CHD6: variants seen among roughly 807,000 people sequenced by gnomAD.
CHD6 encodes chromodomain helicase DNA binding protein 6.
Under a neutral mutation model 276.9 loss-of-function variants are expected in CHD6, and 50 were observed. The ratio of observed to expected loss-of-function variants is 0.18; its 90% CI spans 0.14 to 0.23. CHD6 has a LOEUF of 0.23. CHD6 is among the 10% of genes least tolerant of loss of function. The pLI is 1.00. For synonymous variants in CHD6, 1,173 were observed against 1,229.3 expected (o/e 0.95, Z 0.96); for missense variants, 2,564 against 3,365.8 (o/e 0.76, Z 5.89).
intron 12 of CHD6, among the ~76,000 whole-genome samples, chr20:41,488,923 C>T (rs2043483919): frequency 6.6e-6 from 1 of 152,222 alleles, no homozygotes; most frequent in African/African-American, 2.4e-5. Context: ...GTGTTGTTCA[C>T]AAGTCCCCAG....
rs1183412721 is a variant in CHD6 at position 41,405,256 on chromosome 20, C to T, written c.7485G>A (p.Leu2495=). 2.5e-6 allele frequency: 4 copies of T among 1,614,060 alleles called. No homozygotes were observed. The highest frequency in any genetic ancestry group is 3.4e-6 in the Non-Finnish European group (4 of 1,180,046). Reference sequence around the variant, plus strand: ...TGGCAAAGCCAGCTGGAAACCCCACCAGCCCGGTGAGGGGGATGCCTGGCA... The same window carrying T: ...TGGCAAAGCCAGCTGGAAACCCCACTAGCCCGGTGAGGGGGATGCCTGGCA... ...RNMPGIPLTG[L]VGFPAGFATM... is the part of the protein sequence containing the mutation. The change falls in exon 37 of 37, where the codon CTG becomes CTA. Residue 2495 remains leucine, a synonymous_variant. Coordinates refer to ENST00000373233, the MANE Select transcript of CHD6 (RefSeq NM_032221.5).
intron 1 of CHD6, among the ~76,000 whole-genome samples, chr20:41,615,519 G>T (rs1164295216): frequency 6.6e-6 from 1 of 152,048 alleles, no homozygotes; most frequent in East Asian, 1.9e-4. Flanking sequence ...CATGAGCAAT[G>T]AAGTATAAGA....
At chr20:41,406,831 C>A (rs2046691612) in intron 36 of CHD6, among the ~76,000 whole-genome samples, 1 of 152,212 alleles carries the variant, frequency 6.6e-6, no homozygotes, top group African/African-American at 2.4e-5. Flanking sequence ...AAAAGGTGAA[C>A]TGTACTTGTG....
In CHD6 at chr20:41,403,323, A is replaced by G; in HGVS notation, c.*1270T>C. On this transcript the variant is annotated 3_prime_UTR_variant, in exon 37 of 37. Transcript: ENST00000373233. ...CTCAGAGTGTGAACTACCTGTGAAGAGTGAGACCATCAGAAGGGACGTTAA... is the reference window on the plus strand; with the variant it reads ...CTCAGAGTGTGAACTACCTGTGAAGGGTGAGACCATCAGAAGGGACGTTAA... 9.4e-7 allele frequency: 1 copy of G among 1,063,526 alleles called. No homozygotes were observed. The highest frequency in any genetic ancestry group is 1.1e-6 in the Non-Finnish European group (1 of 877,864). The allele number at this position is 1,063,526 out of a possible 1,614,324, so 65.9% of individuals were successfully genotyped here.
intron 3 of CHD6, among the ~76,000 whole-genome samples, chr20:41,528,357 T>TG (rs2044595548): frequency 6.6e-6 from 1 of 152,228 alleles, no homozygotes; most frequent in African/African-American, 2.4e-5. Flanking sequence ...TTTGTATGTA[T>TG]ACACATAAAC....
chr20:41,426,075 A>G lies in CHD6; in HGVS notation c.4129+18T>C. The G allele has an allele frequency of 6.4e-7, 1 of 1,572,626 alleles. No homozygotes were observed. Among genetic ancestry groups the G allele is most frequent in the Non-Finnish European group, 8.8e-7 (1 of 1,142,120 alleles). ...TAAGACCTTACTTTCCTATGCCTTC[A>G]GAAGGACATAGTCTCACCTGCCCGG... On this transcript the variant is annotated intron_variant, in intron 28 of 36. Coordinates refer to ENST00000373233, the MANE Select transcript of CHD6 (RefSeq NM_032221.5).
intron 1 of CHD6, among the ~76,000 whole-genome samples, chr20:41,566,200 GAGGA>G (rs904378960): frequency 1.1e-4 from 16 of 152,166 alleles, no homozygotes; most frequent in African/African-American, 3.9e-4. Context: ...AGCCAGGTTG[GAGGA>G]CCTCTACTCT....
intron 17 of CHD6, among the ~76,000 whole-genome samples, chr20:41,469,647 G>T (rs1385401977): frequency 6.6e-6 from 1 of 152,196 alleles, no homozygotes; most frequent in Admixed American, 6.5e-5. Flanking sequence ...CTAAATTAGA[G>T]CCTCTGTCTT....
At chr20:41,592,405 T>C (rs1225792825) in intron 1 of CHD6, among the ~76,000 whole-genome samples, 3 of 152,206 alleles carry the variant, frequency 2.0e-5, no homozygotes, top group Non-Finnish European at 4.4e-5. Context: ...ATAGGTAATG[T>C]TTACTGTCTT....
chr20:41,594,133 T>C (rs1321151054), intron 1 of CHD6, among the ~76,000 whole-genome samples: 1 of 152,192 alleles, frequency 6.6e-6, no homozygotes, highest in Non-Finnish European at 1.5e-5. Flanking sequence ...AGCATCCCTA[T>C]AGTTTTTATC....
At chr20:41,559,949 A>C (rs2045284253) in intron 1 of CHD6, among the ~76,000 whole-genome samples, 2 of 152,078 alleles carry the variant, frequency 1.3e-5, no homozygotes, top group African/African-American at 2.4e-5. Flanking sequence ...AATGTCCTGC[A>C]ACCTGCCATG....
chr20:41,566,017 G>A (rs983716488), intron 1 of CHD6, among the ~76,000 whole-genome samples: 10 of 152,078 alleles, frequency 6.6e-5, no homozygotes, highest in African/African-American at 2.2e-4. Flanking sequence ...GTAAGACAAC[G>A]CATTTGGTTT....
intron 1 of CHD6, among the ~76,000 whole-genome samples, chr20:41,590,911 G>T: frequency 6.6e-6 from 1 of 151,366 alleles, no homozygotes; most frequent in East Asian, 1.9e-4. Context: ...ACATGCACAC[G>T]TATGTTTACT....
In CHD6 at chr20:41,421,468, T is replaced by C. The variant is rs61756307; in HGVS notation, c.5167A>G (p.Ser1723Gly). The change falls in exon 31 of 37, where the codon AGC becomes GGC. Residue 1723 changes from serine to glycine, a missense_variant. Physicochemically the swap from Ser to Gly is moderately conservative, Grantham distance 56. Coordinates refer to ENST00000373233, the MANE Select transcript of CHD6 (RefSeq NM_032221.5). ...CTAGATTCAGTATTGGTACTTGGGC[T>C]CTCCTGAAAAGAGCTTGGTTCTTGG... ...LSQEPSSFQE[S>G]PSTNTESRKD... is the part of the protein sequence containing the mutation. 6 of 1,614,080 alleles carry C rather than the reference T, an allele frequency of 3.7e-6. No individual in the cohort carries two copies. The highest frequency in any genetic ancestry group is 5.1e-6 in the Non-Finnish European group (6 of 1,179,998).
chr20:41,409,877 C>A lies in CHD6; in HGVS notation c.7251+2267G>T, dbSNP rs145383110. Among the ~76,000 whole-genome samples the A allele has an allele frequency of 4.8e-4, 73 of 152,290 alleles. No individual in the cohort carries two copies. In the East Asian group the frequency reaches 6.9e-3, roughly 14 times the overall value. On this transcript the variant is annotated intron_variant, in intron 36 of 36. Transcript: ENST00000373233. ...GCAAAACCTCAAAACTATACACATA[C>A]AGGTAAAACCAATATATACATATGT...
intron 3 of CHD6, among the ~76,000 whole-genome samples, chr20:41,520,563 C>T (rs560812941): frequency 0.021 from 3,106 of 151,016 alleles, 53 homozygotes; most frequent in Non-Finnish European, 0.033. Context: ...AGCAAACTAT[C>T]ACAAGGACAA....
At chr20:41,604,426 T>C (rs2045806188) in intron 1 of CHD6, among the ~76,000 whole-genome samples, 1 of 152,184 alleles carries the variant, frequency 6.6e-6, no homozygotes, top group Non-Finnish European at 1.5e-5. Flanking sequence ...CCCCAGGAAC[T>C]ACATAATGAC....
At chr20:41,583,277 C>T (rs2045559696) in intron 1 of CHD6, among the ~76,000 whole-genome samples, 1 of 151,592 alleles carries the variant, frequency 6.6e-6, no homozygotes, top group Non-Finnish European at 1.5e-5. Flanking sequence ...TTAAATGCAG[C>T]CAGAGGGAGG....
At chr20:41,410,137 A>C (rs1011660419) in intron 36 of CHD6, among the ~76,000 whole-genome samples, 7 of 152,192 alleles carry the variant, frequency 4.6e-5, no homozygotes, top group Non-Finnish European at 1.5e-5. Context: ...TTCTAAAAAG[A>C]GGGGTAGGGT....
Sources: allele counts gnomAD v4.1 joint callset (sites outside exome capture counted in the v4.1 genomes callset), GRCh38; gene constraint gnomAD v4.1.1; transcripts MANE v1.5; gene names NCBI Gene and HGNC (gene_info 2026-07-23, HGNC 2026-07-21).